Variants in PLCB1 observed in about 807,000 individuals in gnomAD.
PLCB1 encodes the protein phospholipase C beta 1.
In PLCB1, 46 loss-of-function variants were observed where a neutral mutation model predicts 161.8. The observed-to-expected ratio is 0.28, with a 90% CI of 0.22 to 0.36. The LOEUF is 0.36. Among genes scored for constraint, PLCB1 ranks in the 10% least tolerant of loss-of-function variants. PLCB1 has a pLI of 1.00. For missense variants in PLCB1, 1,016 were observed against 1,472.5 expected (o/e 0.69, Z 5.07); for synonymous variants, 517 against 503.7 (o/e 1.03, Z -0.35).
intron 2 of PLCB1, among the ~76,000 whole-genome samples, chr20:8,174,347 AGAAAGTATC>A (rs2051761597): frequency 6.6e-6 from 1 of 152,246 alleles, no homozygotes; most frequent in Non-Finnish European, 1.5e-5. Context: ...AATGGCTGAA[AGAAAGTATC>A]TGTCAACAGT....
intron 3 of PLCB1, among the ~76,000 whole-genome samples, chr20:8,486,310 A>G (rs1431580635): frequency 1.3e-5 from 2 of 152,142 alleles, no homozygotes; most frequent in African/African-American, 4.8e-5. Flanking sequence ...TTTCTCATAT[A>G]TCTTTCATTC....
At chr20:8,520,988 A>C (rs961001129) in intron 3 of PLCB1, among the ~76,000 whole-genome samples, 1 of 152,200 alleles carries the variant, frequency 6.6e-6, no homozygotes, top group African/African-American at 2.4e-5. Flanking sequence ...TAAGAAAACT[A>C]TCCTAAGACA....
chr20:8,200,090 T>A (rs1012075938), intron 2 of PLCB1, among the ~76,000 whole-genome samples: 1 of 152,112 alleles, frequency 6.6e-6, no homozygotes, highest in African/African-American at 2.4e-5. Flanking sequence ...TCATTGTCAC[T>A]CATTTGCATT....
At chr20:8,617,124 A>G (rs1988058667) in intron 3 of PLCB1, among the ~76,000 whole-genome samples, 1 of 152,170 alleles carries the variant, frequency 6.6e-6, no homozygotes, top group Non-Finnish European at 1.5e-5. Flanking sequence ...TCCCAGGAGC[A>G]TAGAGTCATC....
chr20:8,769,676 A>T (rs1982567992), intron 26 of PLCB1, among the ~76,000 whole-genome samples: 1 of 152,222 alleles, frequency 6.6e-6, no homozygotes, highest in Non-Finnish European at 1.5e-5. Flanking sequence ...TTGACTGATA[A>T]TAATTGCCAC....
At chr20:8,259,297 G>A (rs1981577706) in intron 2 of PLCB1, among the ~76,000 whole-genome samples, 1 of 152,096 alleles carries the variant, frequency 6.6e-6, no homozygotes, top group Non-Finnish European at 1.5e-5. Flanking sequence ...GTGTGGCAGG[G>A]AAGTCTGAAT....
In PLCB1 at chr20:8,387,978, A is replaced by T. The variant is rs2719796; in HGVS notation, c.246+16528A>T. 4.5e-3 allele frequency among the ~76,000 whole-genome samples: 341 copies of T among 76,552 alleles called. 2 individuals are homozygous for T. Among genetic ancestry groups the T allele is most frequent in the Admixed American group, 8.0e-3 (76 of 9,528 alleles). 50.2% of individuals were successfully genotyped at this position (76,552 alleles called of 152,430 possible). On this transcript the variant is annotated intron_variant, in intron 3 of 31. Coordinates refer to ENST00000338037, the MANE Select transcript of PLCB1 (RefSeq NM_015192.4). ...TTATGTATGTTTTACCACTTTTTTT[A>T]AAAAAAAAAAAAAAAAAAAGAAGAA...
chr20:8,281,850 C>T (rs1982890668), intron 2 of PLCB1, among the ~76,000 whole-genome samples: 1 of 151,992 alleles, frequency 6.6e-6, no homozygotes, highest in Non-Finnish European at 1.5e-5. Context: ...TGCTGTCTAC[C>T]TACTAACTCA....
intron 3 of PLCB1, among the ~76,000 whole-genome samples, chr20:8,472,755 A>G (rs1216261360): frequency 6.6e-6 from 1 of 152,176 alleles, no homozygotes; most frequent in Non-Finnish European, 1.5e-5. Context: ...AGAGTAGCCA[A>G]TTAGAGTGCT....
chr20:8,758,568 G>A (rs1044791910), intron 24 of PLCB1, among the ~76,000 whole-genome samples: 1 of 151,736 alleles, frequency 6.6e-6, no homozygotes, highest in Non-Finnish European at 1.5e-5. Context: ...GTGACAGAGC[G>A]AGGCTCCATC....
At chr20:8,478,424 C>A (rs1205692353) in intron 3 of PLCB1, among the ~76,000 whole-genome samples, 1 of 151,674 alleles carries the variant, frequency 6.6e-6, no homozygotes, top group African/African-American at 2.4e-5. Context: ...CTTCACAGAG[C>A]CAACAGAACT....
At chr20:8,453,198 A>C (rs116468898) in intron 3 of PLCB1, among the ~76,000 whole-genome samples, 227 of 152,348 alleles carry the variant, frequency 1.5e-3, no homozygotes, top group African/African-American at 5.3e-3. Context: ...GCCCCCGGCC[A>C]TGAGTCTCAG....
rs1267817056 is a variant in PLCB1, at chr20:8,788,782, G to A, written c.3278+60G>A. Reference sequence around the variant, plus strand: ...ATCTGGGAATTATTTTATTTTGTACGTCAGAGTCACAGGTTCATAACCAGT... The same window carrying A: ...ATCTGGGAATTATTTTATTTTGTACATCAGAGTCACAGGTTCATAACCAGT... On this transcript the variant is annotated intron_variant, in intron 29 of 31. Coordinates refer to ENST00000338037, the MANE Select transcript of PLCB1 (RefSeq NM_015192.4). The A allele has an allele frequency of 4.0e-5, 43 of 1,083,838 alleles. 1 individual carries two copies. Among genetic ancestry groups the A allele is most frequent in the South Asian group, 2.5e-4 (17 of 68,494 alleles). 67.1% of individuals were successfully genotyped at this position (1,083,838 alleles called of 1,614,324 possible). A position where few individuals can be genotyped will look rare whatever the true frequency, so the allele number is the denominator to read the frequency against.
At chr20:8,284,690 G>T (rs552407383) in intron 2 of PLCB1, among the ~76,000 whole-genome samples, 1 of 152,056 alleles carries the variant, frequency 6.6e-6, no homozygotes, top group South Asian at 2.1e-4. Context: ...TAATATGAGT[G>T]CACATTGATA....
chr20:8,342,226 A>G (rs1203377941), intron 2 of PLCB1, among the ~76,000 whole-genome samples: 1 of 152,264 alleles, frequency 6.6e-6, no homozygotes. Context: ...GCAGTCATAA[A>G]TGATGAAGAA....
chr20:8,646,452 C>T (rs1476106349), intron 5 of PLCB1, among the ~76,000 whole-genome samples: 1 of 152,222 alleles, frequency 6.6e-6, no homozygotes, highest in Non-Finnish European at 1.5e-5. Flanking sequence ...CAAAGAGACA[C>T]TTCCAAATCC....
intron 31 of PLCB1, among the ~76,000 whole-genome samples, chr20:8,792,998 A>G (rs977351168): frequency 1.3e-4 from 20 of 152,338 alleles, no homozygotes; most frequent in African/African-American, 4.3e-4. Flanking sequence ...TGGGGCATGG[A>G]TGGAAAATAC....
intron 27 of PLCB1, among the ~76,000 whole-genome samples, chr20:8,777,681 T>C (rs1983009325): frequency 6.7e-6 from 1 of 149,378 alleles, no homozygotes; most frequent in African/African-American, 2.5e-5. Context: ...ATCATGCCAT[T>C]ACACTTCAGC....
rs193006594 is a variant in PLCB1, at chr20:8,812,506, G to T, written c.3423+22245G>T. ...GGTGTTGACTTCATAACTGAAGTCC[G>T]CTGGACTCAAGTAATGAGTGGACTT... is the stretch of plus-strand genomic sequence containing the variant. On this transcript the variant is annotated intron_variant, in intron 31 of 31. Coordinates refer to ENST00000338037, the MANE Select transcript of PLCB1 (RefSeq NM_015192.4). Among the ~76,000 whole-genome samples the T allele has an allele frequency of 1.7e-3, 260 of 152,268 alleles. 2 individuals carry two copies. Among genetic ancestry groups the T allele is most frequent in the African/African-American group, 5.9e-3 (244 of 41,548 alleles).
Sources: allele counts gnomAD v4.1 joint callset (sites outside exome capture counted in the v4.1 genomes callset), GRCh38; gene constraint gnomAD v4.1.1; transcripts MANE v1.5; gene names NCBI Gene and HGNC (gene_info 2026-07-23, HGNC 2026-07-21).